Variants in PERP observed in about 807,000 individuals in gnomAD.
PERP encodes p53 apoptosis effector related to PMP-22.
Under a neutral mutation model 20.3 loss-of-function variants are expected in PERP, and 11 were observed. The ratio of observed to expected loss-of-function variants is 0.54; its 90% CI spans 0.34 to 0.90. The LOEUF is 0.90. Among genes scored for constraint, PERP ranks in the 40% least tolerant of loss-of-function variants. The pLI is 0.02. For synonymous variants in PERP, 101 were observed against 102.0 expected, an observed-to-expected ratio of 0.99 and a Z score of 0.06; for missense variants, 224 against 249.4, an observed-to-expected ratio of 0.90 and a Z score of 0.69.
chr6:138,103,436 G>C (rs551179828), intron 1 of PERP, among the ~76,000 whole-genome samples: 19 of 152,148 alleles, frequency 1.2e-4, no homozygotes, highest in African/African-American at 4.3e-4. Context: ...ATAGGCGTGA[G>C]CCACCACACC....
At position 138,101,280 on chromosome 6, in the gene PERP, G is replaced by A. The variant is rs188562614; in HGVS notation, c.215-4786C>T. 1.4e-3 allele frequency among the ~76,000 whole-genome samples: 207 copies of A among 152,260 alleles called. 1 individual carries two copies. Among genetic ancestry groups the A allele is most frequent in the African/African-American group, 4.9e-3 (202 of 41,554 alleles). ...AGCTATTCAGGAGGCTGAGGCATGAGAATCGCTTGCACCTGGGAGGCAGAG... is the reference window on the plus strand; with the variant it reads ...AGCTATTCAGGAGGCTGAGGCATGAAAATCGCTTGCACCTGGGAGGCAGAG... On this transcript the variant is annotated intron_variant, in intron 1 of 2. Coordinates refer to ENST00000421351, the MANE Select transcript of PERP (RefSeq NM_022121.5).
At chr6:138,092,551 T>C (rs934189692) in intron 2 of PERP, among the ~76,000 whole-genome samples, 3 of 152,158 alleles carry the variant, frequency 2.0e-5, no homozygotes, top group African/African-American at 7.2e-5. Flanking sequence ...ATAAGCATTA[T>C]ATATACTAAA....
At chr6:138,095,176 G>T (rs1366483929) in intron 2 of PERP, among the ~76,000 whole-genome samples, 1 of 152,154 alleles carries the variant, frequency 6.6e-6, no homozygotes. Flanking sequence ...CATCAACCAG[G>T]TTCTTTATAT....
At chr6:138,099,642 T>C (rs1775743737) in intron 1 of PERP, among the ~76,000 whole-genome samples, 1 of 152,216 alleles carries the variant, frequency 6.6e-6, no homozygotes, top group African/African-American at 2.4e-5. Context: ...GTATGATATT[T>C]CTGTAAAGAG....
At chr6:138,097,293 T>A (rs143717587) in intron 1 of PERP, among the ~76,000 whole-genome samples, 1 of 152,278 alleles carries the variant, frequency 6.6e-6, no homozygotes, top group Non-Finnish European at 1.5e-5. Flanking sequence ...AATACAGAGA[T>A]CCATGCTATC....
intron 1 of PERP, among the ~76,000 whole-genome samples, chr6:138,104,741 C>T (rs1407428595): frequency 6.6e-6 from 1 of 152,208 alleles, no homozygotes; most frequent in Non-Finnish European, 1.5e-5. Context: ...TCATTTTAAT[C>T]AGAGCCATCA....
intron 1 of PERP, among the ~76,000 whole-genome samples, chr6:138,105,350 G>T (rs1337268910): frequency 1.3e-5 from 2 of 151,950 alleles, no homozygotes; most frequent in East Asian, 3.8e-4. Context: ...TCTTTACAAT[G>T]AAAAAAATTA....
intron 2 of PERP, among the ~76,000 whole-genome samples, chr6:138,093,198 T>C (rs1175961483): frequency 6.6e-6 from 1 of 152,144 alleles, no homozygotes; most frequent in Non-Finnish European, 1.5e-5. Flanking sequence ...TACATTGCCA[T>C]GTCAAAGGGT....
At position 138,107,244 on chromosome 6, in the gene PERP, G is replaced by T; in HGVS notation, c.97C>A (p.Arg33Ser). ...TGGTCGCTAGACTGCAACCAGCCGC[G>T]GCCGGCCAGCGCGATGATGTCGAAG... ...IAFDIIALAG[R>S]GWLQSSDHGQ... The change falls in exon 1 of 3, where the codon CGC (arginine) becomes AGC (serine). Residue 33 changes from arginine (R) to serine (S), a missense_variant. By Grantham distance (110) the Arg-to-Ser change is moderately radical (BLOSUM62 -1). Coordinates refer to ENST00000421351, the MANE Select transcript of PERP (RefSeq NM_022121.5). The surrounding 1 kb of genome is among the most constrained non-coding windows in gnomAD (Gnocchi z 4.8). The T allele has an allele frequency of 6.2e-7, 1 of 1,612,276 alleles. No homozygotes were observed. The highest frequency in any genetic ancestry group is 8.5e-7 in the Non-Finnish European group (1 of 1,179,676).
chr6:138,094,642 T>C (rs1016952039), intron 2 of PERP, among the ~76,000 whole-genome samples: 1 of 152,236 alleles, frequency 6.6e-6, no homozygotes, highest in Non-Finnish European at 1.5e-5. Flanking sequence ...CTTTTGGATA[T>C]ACACTTAGGA....
intron 1 of PERP, 132 bp downstream of exon 1, chr6:138,106,995 G>T (rs1775853141): frequency 1.2e-6 from 1 of 856,032 alleles, no homozygotes; most frequent in East Asian, 3.1e-5. Flanking sequence ...GCCCGAGCTC[G>T]TCCTAAACAG....
chr6:138,099,773 T>C (rs963757735), intron 1 of PERP, among the ~76,000 whole-genome samples: 1 of 152,192 alleles, frequency 6.6e-6, no homozygotes, highest in African/African-American at 2.4e-5. Context: ...TTGGAAGGAA[T>C]TAAACCAAAG....
chr6:138,100,820 A>G (rs912664439), intron 1 of PERP, among the ~76,000 whole-genome samples: 3 of 152,200 alleles, frequency 2.0e-5, no homozygotes, highest in African/African-American at 7.2e-5. Context: ...AATTTAAGTG[A>G]TATTCATTAG....
chr6:138,096,415 G>A lies in PERP; in HGVS notation c.294C>T (p.Ala98=), dbSNP rs61730263. ...LVICFILSFF[A]LCGPQMLVFL... The stretch of plus-strand genomic sequence containing the variant: ...AGACAAGCATCTGGGGTCCACAGAG[G>A]GCGAAGAAGGAGAGGATGAAACAGA... Residue 98 remains alanine, a synonymous_variant, in exon 2 of 3, where the codon GCC becomes GCT. Transcript: ENST00000421351. The A allele has an allele frequency of 1.9e-3, 3,092 of 1,614,046 alleles. 69 individuals carry two copies. In the African/African-American group the frequency reaches 0.038, roughly 20 times the overall value.
chr6:138,107,266 G>A lies in PERP; in HGVS notation c.75C>T (p.Phe25=). ...CGCGGCCGGCCAGCGCGATGATGTC[G>A]AAGGCGATGGCGCTGAGTAGGAGCA... ...LPLLLLSAIA[F]DIIALAGRGW... Residue 25 remains phenylalanine, a synonymous_variant, in exon 1 of 3, where the codon TTC becomes TTT. Transcript: ENST00000421351. This position sits in a 1 kb window ranked among gnomAD's most constrained non-coding sequence, Gnocchi z 4.8. 3.1e-6 allele frequency: 5 copies of A among 1,611,834 alleles called. No homozygotes were observed. The highest frequency in any genetic ancestry group is 4.2e-6 in the Non-Finnish European group (5 of 1,179,652).
At chr6:138,100,092 T>A (rs1775749223) in intron 1 of PERP, among the ~76,000 whole-genome samples, 1 of 152,206 alleles carries the variant, frequency 6.6e-6, no homozygotes, top group Non-Finnish European at 1.5e-5. Context: ...ATAACAGACG[T>A]CTTCAAGTAA....
rs1024665087 is a variant in PERP, at chr6:138,088,895, A to G, written c.*3147T>C. ...ATATATTACTTATTTTTAAAACTCAACTGTAAAAATAAGTGTTGCAGGAAG... is the reference window on the plus strand; with the variant it reads ...ATATATTACTTATTTTTAAAACTCAGCTGTAAAAATAAGTGTTGCAGGAAG... On this transcript the variant is annotated 3_prime_UTR_variant, in exon 3 of 3. Coordinates refer to ENST00000421351, the MANE Select transcript of PERP (RefSeq NM_022121.5). 2 of 152,222 alleles carry G rather than the reference A, an allele frequency of 1.3e-5. No homozygotes were observed. Among genetic ancestry groups the G allele is most frequent in the Non-Finnish European group, 2.9e-5 (2 of 68,036 alleles). 9.4% of individuals were successfully genotyped at this position (152,222 alleles called of 1,614,324 possible).
intron 1 of PERP, among the ~76,000 whole-genome samples, chr6:138,098,666 C>T (rs1365244829): frequency 2.0e-5 from 3 of 152,166 alleles, no homozygotes; most frequent in Non-Finnish European, 4.4e-5. Flanking sequence ...GCTCCACATG[C>T]CCTTCTCCAA....
Position 138,096,524 on chromosome 6 carries a change from A to G in PERP, c.215-30T>C, listed in dbSNP as rs1421468724. 5 of 1,589,510 alleles carry G rather than the reference A, an allele frequency of 3.1e-6. No homozygotes were observed. The Admixed American group carries it at 7.2e-5, about 23-fold the overall frequency. ...AAGAAAAAAAGAAACAGCAATTAAC[A>G]AGACAGACATACCAAGTTTAAAAAT... On this transcript the variant is annotated intron_variant, in intron 1 of 2. Transcript: ENST00000421351.
Sources: allele counts gnomAD v4.1 joint callset (sites outside exome capture counted in the v4.1 genomes callset), GRCh38; gene constraint gnomAD v4.1.1; non-coding constraint Gnocchi (gnomAD v3.1); transcripts MANE v1.5; gene names NCBI Gene and HGNC (gene_info 2026-07-23, HGNC 2026-07-21).